Variants in AFTPH observed in about 807,000 individuals in gnomAD.
AFTPH encodes the protein aftiphilin protein.
Under a neutral mutation model 72.5 loss-of-function variants are expected in AFTPH, and 7 were observed. The ratio of observed to expected loss-of-function variants is 0.10; its 90% CI spans 0.05 to 0.18. The LOEUF is 0.18. AFTPH is among the 10% of genes least tolerant of loss of function. AFTPH has a pLI of 1.00. For missense variants in AFTPH, 979 were observed against 1,060.5 expected (o/e 0.92, Z 1.07); for synonymous variants, 337 against 370.1 (o/e 0.91, Z 1.03).
At chr2:64,526,720 A>G (rs562017702) in intron 1 of AFTPH, among the ~76,000 whole-genome samples, 1 of 152,346 alleles carries the variant, frequency 6.6e-6, no homozygotes, top group African/African-American at 2.4e-5. Context: ...ATATAGTCAC[A>G]AGTTCTTTTG....
chr2:64,560,150 G>A (rs748756290), intron 2 of AFTPH, among the ~76,000 whole-genome samples: 2 of 152,080 alleles, frequency 1.3e-5, no homozygotes, highest in African/African-American at 2.4e-5. Flanking sequence ...TGACTAAAAC[G>A]TGCCAGTCGA....
chr2:64,543,849 C>T (rs1670402039), intron 1 of AFTPH, among the ~76,000 whole-genome samples: 1 of 152,196 alleles, frequency 6.6e-6, no homozygotes, highest in African/African-American at 2.4e-5. Context: ...CTTACAGACT[C>T]ATCATCTCTT....
chr2:64,561,851 C>T (rs766348162), intron 2 of AFTPH, among the ~76,000 whole-genome samples: 3 of 152,112 alleles, frequency 2.0e-5, no homozygotes, highest in Non-Finnish European at 4.4e-5. Flanking sequence ...TTGTTGAAAA[C>T]AATGAATTGT....
At chr2:64,559,766 A>G (rs1022768484) in intron 2 of AFTPH, among the ~76,000 whole-genome samples, 1 of 152,110 alleles carries the variant, frequency 6.6e-6, no homozygotes, top group Non-Finnish European at 1.5e-5. Flanking sequence ...GTGTAGTGGC[A>G]TGGTCTCTGC....
intron 1 of AFTPH, among the ~76,000 whole-genome samples, chr2:64,529,097 C>G (rs962785056): frequency 6.6e-5 from 10 of 152,128 alleles, no homozygotes; most frequent in Non-Finnish European, 1.5e-4. Context: ...CATTTTTAAA[C>G]TCAGAAAGCT....
At chr2:64,544,925 T>C (rs567735845) in intron 1 of AFTPH, among the ~76,000 whole-genome samples, 1 of 152,244 alleles carries the variant, frequency 6.6e-6, no homozygotes, top group South Asian at 2.1e-4. Flanking sequence ...TATGAAAATG[T>C]TTTTACTCTA....
At chr2:64,592,943 T>G (rs535802394) in exon 9 of AFTPH, 12 of 152,794 alleles carry the variant, frequency 7.9e-5, no homozygotes, top group Admixed American at 5.9e-4. Flanking sequence ...CCCAAGGTCT[T>G]TTGAAATTTC....
chr2:64,575,764 A>C (rs1415459641), intron 6 of AFTPH, among the ~76,000 whole-genome samples: 1 of 141,766 alleles, frequency 7.1e-6, no homozygotes, highest in Non-Finnish European at 1.5e-5. Flanking sequence ...TTGGAGGTAG[A>C]GTCTTGCTCT....
rs370264817 is a variant in AFTPH at position 64,569,654 on chromosome 2, T to C, written c.2246T>C (p.Ile749Thr). 1.3e-5 allele frequency: 21 copies of C among 1,613,694 alleles called. No homozygotes were observed. Among genetic ancestry groups the C allele is most frequent in the Admixed American group, 5.0e-5 (3 of 60,010 alleles). ...ACGGGCAATAAGAAGCAGCCTGTTA[T>C]AGTGCCCATGTATGCAGCAGGATTG... Residue 749 changes from isoleucine to threonine, a missense_variant, in exon 5 of 9, where the codon ATA becomes ACA. Coordinates refer to ENST00000238856, the Ensembl canonical transcript of AFTPH.
intron 8 of AFTPH, 43 bp from the exon 10 acceptor site, chr2:64,591,845 A>G: frequency 1.1e-5 from 17 of 1,605,222 alleles, no homozygotes; most frequent in Non-Finnish European, 1.4e-5. Flanking sequence ...TACCTACAGC[A>G]AAGTCACATT....
intron 1 of AFTPH, among the ~76,000 whole-genome samples, chr2:64,532,607 T>G (rs1036293738): frequency 6.6e-6 from 1 of 152,178 alleles, no homozygotes; most frequent in African/African-American, 2.4e-5. Context: ...GTAACTGGGT[T>G]AGAGAGCCCT....
At chr2:64,581,345 T>TA in intron 7 of AFTPH, 72 bp downstream of exon 8, 1 of 1,271,822 alleles carries the variant, frequency 7.9e-7, no homozygotes, top group Admixed American at 2.6e-5. Flanking sequence ...GACTTTCCTA[T>TA]AAACAAGGAA....
intron 6 of AFTPH, 63 bp from the exon 7 acceptor site, chr2:64,579,423 A>C: frequency 7.5e-7 from 1 of 1,329,526 alleles, no homozygotes; most frequent in South Asian, 1.4e-5. Flanking sequence ...TTTTTTTTTA[A>C]GGATTCTTTA....
intron 6 of AFTPH, among the ~76,000 whole-genome samples, chr2:64,575,357 G>A (rs374874534): frequency 1.6e-4 from 24 of 152,098 alleles, no homozygotes; most frequent in East Asian, 3.9e-4. Context: ...CAGGCTTGGT[G>A]GCTCATGCCT....
intron 1 of AFTPH, among the ~76,000 whole-genome samples, chr2:64,531,835 C>T (rs1238377735): frequency 6.6e-6 from 1 of 152,118 alleles, no homozygotes; most frequent in Non-Finnish European, 1.5e-5. Context: ...TTTTTAATTG[C>T]ATATATGGCT....
chr2:64,577,463 A>G lies in AFTPH; in HGVS notation c.2395-2023A>G, dbSNP rs147300601. ...TCAGATTTCAGCAAATCATTAAATC[A>G]TTGAAATATTTCTAAGCACCCAGCT... On this transcript the variant is annotated intron_variant, in intron 6 of 8. Transcript: ENST00000238856. Among the ~76,000 whole-genome samples, 562 of 152,322 alleles carry G rather than the reference A, an allele frequency of 3.7e-3. 1 individual carries two copies. Among genetic ancestry groups the G allele is most frequent in the African/African-American group, 0.013 (535 of 41,584 alleles).
intron 1 of AFTPH, among the ~76,000 whole-genome samples, chr2:64,537,344 T>C (rs919612154): frequency 6.6e-6 from 1 of 152,154 alleles, no homozygotes; most frequent in Non-Finnish European, 1.5e-5. Context: ...ACCTGGGTGA[T>C]GAAATAATTT....
At chr2:64,577,908 A>ATTGGTACAATATGT (rs1672920967) in intron 6 of AFTPH, among the ~76,000 whole-genome samples, 1 of 152,096 alleles carries the variant, frequency 6.6e-6, no homozygotes, top group African/African-American at 2.4e-5. Context: ...ATGTGTATAT[A>ATTGGTACAATATGT]GTTCTATATC....
In AFTPH at chr2:64,549,308, C is replaced by CTTTTTTT. The variant is rs34951706; in HGVS notation, c.-32-2111_-32-2105dup. On this transcript the variant is annotated intron_variant, in intron 1 of 8. Transcript: ENST00000238856. ...CTAGGACTTTGGCTGTTAGTCCTCC[C>CTTTTTTT]TTTTTTTTTTTTTTTTTTTTTTTTT... Among the ~76,000 whole-genome samples the CTTTTTTT allele has an allele frequency of 1.2e-3, 67 of 56,024 alleles. 3 individuals carry two copies. The highest frequency in any genetic ancestry group is 3.8e-3 in the African/African-American group (63 of 16,394). 36.8% of individuals were successfully genotyped at this position (56,024 alleles called of 152,430 possible).
Sources: gnomAD v4.1 joint callset for allele counts (sites outside exome capture counted in the v4.1 genomes callset) on GRCh38, gnomAD v4.1.1 for gene constraint, MANE v1.5 for transcripts, NCBI Gene and HGNC (gene_info 2026-07-23, HGNC 2026-07-21) for gene names.